Variants in ZFAT observed in about 807,000 individuals in gnomAD.
The protein encoded by ZFAT is zinc finger and AT-hook domain containing, also known as zinc finger protein ZFAT.
Under a neutral mutation model 117.7 loss-of-function variants are expected in ZFAT, and 64 were observed. The ratio of observed to expected loss-of-function variants is 0.54; its 90% CI spans 0.44 to 0.67. The LOEUF is 0.67. ZFAT is among the 30% of genes least tolerant of loss of function. The pLI is 0.00. For missense variants in ZFAT, 1,433 were observed against 1,584.5 expected (o/e 0.90, Z 1.62); for synonymous variants, 679 against 615.0 (o/e 1.10, Z -1.54).
At chr8:134,729,230 C>T in the ZFAT span, among the ~76,000 whole-genome samples, 1 of 152,240 alleles carries the variant, frequency 6.6e-6, no homozygotes, top group East Asian at 1.9e-4. Flanking sequence ...CTTTAGTAAA[C>T]TCTGTGACCC....
intron 2 of ZFAT, chr8:134,639,851 A>G: frequency 2.2e-6 from 1 of 449,026 alleles, no homozygotes; most frequent in South Asian, 1.6e-5. Context: ...GTCTAAACCC[A>G]GTGACAGACT....
chr8:134,672,297 G>GAC (rs1832599159), intron 1 of ZFAT, among the ~76,000 whole-genome samples: 1 of 152,168 alleles, frequency 6.6e-6, no homozygotes, highest in Non-Finnish European at 1.5e-5. Context: ...ACATTGCCAA[G>GAC]ACAATCCTAA....
intron 15 of ZFAT, among the ~76,000 whole-genome samples, chr8:134,507,831 T>C (rs924406220): frequency 1.3e-5 from 2 of 152,216 alleles, no homozygotes; most frequent in African/African-American, 4.8e-5. Context: ...TTTGCGTGTA[T>C]GAAACATTCA....
chr8:134,828,587 A>G, the ZFAT span, among the ~76,000 whole-genome samples: 1 of 152,220 alleles, frequency 6.6e-6, no homozygotes, highest in African/African-American at 2.4e-5. Flanking sequence ...TATCCTTAAT[A>G]AAGTTTGCAG....
chr8:134,717,526 CAGGCTGG>C (rs1814226041), upstream of ZFAT, among the ~76,000 whole-genome samples: 1 of 100,688 alleles, frequency 9.9e-6, no homozygotes, highest in Admixed American at 1.6e-4. Flanking sequence ...CTCTGTCGCC[CAGGCTGG>C]AGTGCAGTTG....
chr8:134,493,189 G>T (rs1020005843), intron 15 of ZFAT, among the ~76,000 whole-genome samples: 1 of 152,166 alleles, frequency 6.6e-6, no homozygotes, highest in Non-Finnish European at 1.5e-5. Flanking sequence ...TGTCACCTGG[G>T]TCTCTGCAAC....
chr8:134,608,731 G>A lies in ZFAT; in HGVS notation c.783C>T (p.Ser261=), dbSNP rs1426061179. ...QTPYEQPMKS[S]RLGPTQLKIF... is the part of the protein sequence containing the mutation. ...TTACACAGAACAAAACACTTTACCT[G>A]CTTGACTTCATTGGTTGCTCATAAG... The change falls in exon 5 of 16, where the codon AGC becomes AGT. Residue 261 remains serine, a splice_region_variant and synonymous_variant. Coordinates refer to ENST00000377838, the MANE Select transcript of ZFAT (RefSeq NM_020863.4). The A allele has an allele frequency of 6.2e-7, 1 of 1,609,964 alleles. No homozygotes were observed. Among genetic ancestry groups the A allele is most frequent in the Non-Finnish European group, 8.5e-7 (1 of 1,178,498 alleles).
chr8:134,512,261 G>A (rs55727619), intron 14 of ZFAT, among the ~76,000 whole-genome samples: 1,689 of 152,344 alleles, frequency 0.011, 12 homozygotes, highest in Admixed American at 0.016. Context: ...GGCCCTGTTC[G>A]AAGGCTTTCC....
At chr8:134,540,162 A>G (rs374399098) in intron 11 of ZFAT, among the ~76,000 whole-genome samples, 23 of 152,330 alleles carry the variant, frequency 1.5e-4, no homozygotes, top group African/African-American at 5.3e-4. Context: ...AAGTGAAAAG[A>G]GAAGCAGGAT....
chr8:134,745,398 T>C, the ZFAT span, among the ~76,000 whole-genome samples: 1 of 152,126 alleles, frequency 6.6e-6, no homozygotes, highest in Admixed American at 6.5e-5. Context: ...GCTTGCTTGG[T>C]TTCGAATGCA....
chr8:134,574,954 A>G (rs1825192196), intron 10 of ZFAT, among the ~76,000 whole-genome samples: 1 of 152,080 alleles, frequency 6.6e-6, no homozygotes, highest in Admixed American at 6.5e-5. Flanking sequence ...AATATTAACT[A>G]TTGCACTGTG....
At chr8:134,682,644 A>G (rs35583577) in intron 1 of ZFAT, among the ~76,000 whole-genome samples, 52,778 of 152,104 alleles carry the variant, frequency 0.35, 9,521 homozygotes, top group South Asian at 0.43. Context: ...GACAGAGTGA[A>G]ACTCCATCTC....
At chr8:134,506,857 C>T (rs75393804) in intron 15 of ZFAT, among the ~76,000 whole-genome samples, 12,143 of 152,302 alleles carry the variant, frequency 0.08, 608 homozygotes, top group South Asian at 0.15. Context: ...TCAAAAGATG[C>T]TATCCCATAG....
rs144461415 is a variant in ZFAT, at chr8:134,533,243, C to T, written c.2977-271G>A. Among the ~76,000 whole-genome samples the T allele has an allele frequency of 6.8e-3, 1,030 of 152,244 alleles. 6 individuals carry two copies. Among genetic ancestry groups the T allele is most frequent in the Middle Eastern group, 0.02 (6 of 294 alleles). On this transcript the variant is annotated intron_variant, in intron 11 of 15. Transcript: ENST00000377838. ...GTTACTTCTTTTCTTTTTTCATCCA[C>T]CTCAGAATTTAGTTTTTGTTCAAGA... is the stretch of plus-strand genomic sequence containing the variant.
At chr8:134,635,879 G>A (rs1295601664) in intron 3 of ZFAT, among the ~76,000 whole-genome samples, 1 of 152,272 alleles carries the variant, frequency 6.6e-6, no homozygotes, top group East Asian at 1.9e-4. Flanking sequence ...CTTCTGAAAT[G>A]ACAGCACTCC....
upstream of ZFAT, among the ~76,000 whole-genome samples, chr8:134,717,676 C>T (rs1344858169): frequency 3.3e-5 from 5 of 149,876 alleles, no homozygotes; most frequent in African/African-American, 1.2e-4. Context: ...TTAGTAGAGA[C>T]GGGGTTTCAC....
the ZFAT span, among the ~76,000 whole-genome samples, chr8:134,804,647 T>C: frequency 7.4e-4 from 113 of 152,296 alleles, no homozygotes; most frequent in African/African-American, 2.7e-3. Flanking sequence ...ACACTTTTTA[T>C]TTAACTAAAT....
At chr8:134,521,648 A>G (rs894892313) in intron 12 of ZFAT, among the ~76,000 whole-genome samples, 20 of 152,144 alleles carry the variant, frequency 1.3e-4, no homozygotes, top group African/African-American at 2.4e-5. Context: ...AAAAACAAAA[A>G]CTGGAGAGTC....
At chr8:134,629,158 T>C (rs1829716132) in intron 3 of ZFAT, among the ~76,000 whole-genome samples, 1 of 152,128 alleles carries the variant, frequency 6.6e-6, no homozygotes, top group Admixed American at 6.5e-5. Flanking sequence ...GACGGGGATG[T>C]TTCTGGCTGA....
Sources: allele counts gnomAD v4.1 joint callset (sites outside exome capture counted in the v4.1 genomes callset), GRCh38; gene constraint gnomAD v4.1.1; transcripts MANE v1.5; gene names NCBI Gene and HGNC (gene_info 2026-07-23, HGNC 2026-07-21).